The following CELF2 variants were observed in gnomAD, a reference collection of about 807,000 sequenced individuals.
The protein encoded by CELF2 is CUG triplet repeat RNA-binding protein 2.
Under a neutral mutation model 62.6 loss-of-function variants are expected in CELF2, and 8 were observed. The observed-to-expected ratio is 0.13, with a 90% CI of 0.07 to 0.23. The LOEUF (loss-of-function observed/expected upper bound fraction) is 0.23, where lower values mean the gene tolerates loss of function less well. CELF2 is among the 10% of genes least tolerant of loss of function. The pLI, the probability that CELF2 is intolerant of heterozygous loss-of-function variation, is 1.00. For missense variants in CELF2, 333 were observed against 671.0 expected (o/e 0.50, Z 5.56); for synonymous variants, 258 against 250.0 (o/e 1.03, Z -0.30).
At chr10:11,219,207 G>T (rs546553782) in intron 3 of CELF2, among the ~76,000 whole-genome samples, 3 of 152,176 alleles carry the variant, frequency 2.0e-5, no homozygotes, top group African/African-American at 7.2e-5. Context: ...CCCAGCATGC[G>T]ATCTTCATAG....
chr10:11,235,995 G>A (rs564389173), intron 3 of CELF2, among the ~76,000 whole-genome samples: 1 of 152,312 alleles, frequency 6.6e-6, no homozygotes, highest in South Asian at 2.1e-4. Context: ...GTATTTATGT[G>A]TCTGTCGTAA....
At chr10:10,489,889 G>A in the CELF2 span, among the ~76,000 whole-genome samples, 4 of 151,848 alleles carry the variant, frequency 2.6e-5, no homozygotes, top group African/African-American at 7.3e-5. Flanking sequence ...AAGAATCTAT[G>A]TGAGTACAGG....
chr10:11,198,453 T>G (rs2135078871), intron 2 of CELF2, among the ~76,000 whole-genome samples: 1 of 152,332 alleles, frequency 6.6e-6, no homozygotes, highest in Middle Eastern at 3.4e-3. Context: ...GCCAACATCT[T>G]TTTCTGTTTA....
At chr10:10,940,237 CG>C (rs2046903517) in intron 2 of CELF2, among the ~76,000 whole-genome samples, 1 of 152,052 alleles carries the variant, frequency 6.6e-6, no homozygotes, top group African/African-American at 2.4e-5. Context: ...TAGTTATACC[CG>C]GGTTTTTTTG....
chr10:11,214,113 T>C lies in CELF2; in HGVS notation c.272-3312T>C, dbSNP rs1272985816. On this transcript the variant is annotated intron_variant, in intron 2 of 12. Coordinates refer to ENST00000633077, the MANE Select transcript of CELF2 (RefSeq NM_001326342.2). The surrounding 1 kb of genome is among the most constrained non-coding windows in gnomAD (Gnocchi z 4.2). ...AGCCTGGGCAACATAGTGGGACCCC[T>C]ATCTCTACAAAAATGTAAAAAGTAG... 1.3e-5 allele frequency among the ~76,000 whole-genome samples: 2 copies of C among 152,020 alleles called. No individual in the cohort carries two copies. The highest frequency in any genetic ancestry group is 2.9e-5 in the Non-Finnish European group (2 of 67,986).
At chr10:10,652,976 CAT>C in the CELF2 span, among the ~76,000 whole-genome samples, 1 of 152,126 alleles carries the variant, frequency 6.6e-6, no homozygotes, top group African/African-American at 2.4e-5. Flanking sequence ...AAACCCATCT[CAT>C]GTGCAGAGAC....
the CELF2 span, among the ~76,000 whole-genome samples, chr10:10,483,467 G>C: frequency 1.3e-5 from 2 of 152,178 alleles, no homozygotes; most frequent in Non-Finnish European, 2.9e-5. Flanking sequence ...TCTGTAAATT[G>C]AGGAATGCAC....
At chr10:10,976,373 C>A (rs2051338046) in intron 2 of CELF2, among the ~76,000 whole-genome samples, 1 of 152,166 alleles carries the variant, frequency 6.6e-6, no homozygotes, top group African/African-American at 2.4e-5. Context: ...GCATCAAATG[C>A]CTGTTCTCAG....
chr10:11,180,122 A>G (rs930544653), intron 2 of CELF2, among the ~76,000 whole-genome samples: 1 of 152,034 alleles, frequency 6.6e-6, no homozygotes, highest in Non-Finnish European at 1.5e-5. Flanking sequence ...TAAATTGTAA[A>G]ACTCCATACC....
Position 11,277,543 on chromosome 10 carries a change from G to A in CELF2, c.841+2423G>A, listed in dbSNP as rs1380981434. Among the ~76,000 whole-genome samples the A allele has an allele frequency of 1.1e-4, 17 of 152,188 alleles. No homozygotes were observed. In the East Asian group the frequency reaches 2.1e-3, roughly 19 times the overall value. On this transcript the variant is annotated intron_variant, in intron 8 of 12. Coordinates refer to ENST00000633077, the MANE Select transcript of CELF2 (RefSeq NM_001326342.2). ...CTAAGAGCTGCTCATGAGTATCCTC[G>A]AGTGGATGAGTGAACAGATTTCTAA... is the stretch of plus-strand genomic sequence containing the variant.
chr10:11,206,155 T>G (rs558122009), intron 2 of CELF2, among the ~76,000 whole-genome samples: 2 of 152,236 alleles, frequency 1.3e-5, no homozygotes, highest in Non-Finnish European at 2.9e-5. Flanking sequence ...CTGTGTTTTA[T>G]TCAGGCTAAC....
chr10:10,847,253 A>C (rs2059075542), intron 1 of CELF2, among the ~76,000 whole-genome samples: 1 of 152,104 alleles, frequency 6.6e-6, no homozygotes, highest in African/African-American at 2.4e-5. Context: ...TGGAGGATGA[A>C]ATGGCCTACA....
intron 2 of CELF2, among the ~76,000 whole-genome samples, chr10:11,187,208 T>G (rs1349667524): frequency 2.6e-5 from 4 of 152,204 alleles, no homozygotes; most frequent in Non-Finnish European, 5.9e-5. Context: ...TATTTTGAAG[T>G]TCTGTTTTTT....
intron 1 of CELF2, among the ~76,000 whole-genome samples, chr10:11,047,560 C>T (rs374102999): frequency 4.3e-4 from 66 of 152,150 alleles, no homozygotes; most frequent in African/African-American, 1.5e-3. Flanking sequence ...TGTGAAAATC[C>T]CTACGTTATA....
chr10:11,161,088 C>CTGT (rs1456096450), intron 1 of CELF2, among the ~76,000 whole-genome samples: 1 of 152,196 alleles, frequency 6.6e-6, no homozygotes, highest in African/African-American at 2.4e-5. Context: ...TGCATATACT[C>CTGT]TGTTGATCTA....
chr10:10,671,582 C>T, the CELF2 span, among the ~76,000 whole-genome samples: 1 of 152,150 alleles, frequency 6.6e-6, no homozygotes, highest in Non-Finnish European at 1.5e-5. Context: ...TTACTCACAT[C>T]CTCACCAGCA....
At chr10:10,523,948 T>A in the CELF2 span, among the ~76,000 whole-genome samples, 1 of 152,216 alleles carries the variant, frequency 6.6e-6, no homozygotes, top group African/African-American at 2.4e-5. Context: ...CAGTTCAAGT[T>A]CTTCAGCCAG....
At chr10:11,251,304 T>C (rs1025694252) in intron 4 of CELF2, among the ~76,000 whole-genome samples, 8 of 147,854 alleles carry the variant, frequency 5.4e-5, no homozygotes, top group African/African-American at 7.7e-5. Flanking sequence ...TTTTGCATTT[T>C]CTGCTGTGCA....
At chr10:10,959,767 C>T (rs2049286799) in intron 2 of CELF2, among the ~76,000 whole-genome samples, 1 of 152,176 alleles carries the variant, frequency 6.6e-6, no homozygotes, top group African/African-American at 2.4e-5. Flanking sequence ...CAGAATGACC[C>T]CATACCCCAC....
Sources: allele counts gnomAD v4.1 joint callset (sites outside exome capture counted in the v4.1 genomes callset), GRCh38; gene constraint gnomAD v4.1.1; non-coding constraint Gnocchi (gnomAD v3.1); transcripts MANE v1.5; gene names NCBI Gene and HGNC (gene_info 2026-07-23, HGNC 2026-07-21).